Variants in SERPINH1 observed in about 807,000 individuals in gnomAD.
SERPINH1 encodes the protein serpin H1.
In SERPINH1, 22 loss-of-function variants were observed where a neutral mutation model predicts 32.3. The observed-to-expected ratio is 0.68, with a 90% CI of 0.49 to 0.97. SERPINH1 has a LOEUF of 0.97. SERPINH1 is among the 50% of genes least tolerant of loss of function. SERPINH1 has a pLI of 0.00. For missense variants in SERPINH1, 543 were observed against 576.4 expected (o/e 0.94, Z 0.59); for synonymous variants, 251 against 245.9 (o/e 1.02, Z -0.19).
Position 75,568,798 on chromosome 11 carries a change from T to C in SERPINH1, c.690T>C (p.Tyr230=), listed in dbSNP as rs951634715. The C allele has an allele frequency of 1.9e-5, 30 of 1,613,822 alleles. No homozygotes were observed. The highest frequency in any genetic ancestry group is 2.7e-5 in the African/African-American group (2 of 74,888). The change falls in exon 3 of 5, where the codon TAT becomes TAC. Residue 230 remains tyrosine, a synonymous_variant. Transcript: ENST00000358171. ...DNRGFMVTRS[Y]TVGVMMMHRT... is the part of the protein sequence containing the mutation. ...GTGGCTTCATGGTGACTCGGTCCTA[T>C]ACCGTGGGTGTCATGATGATGCACC... is the stretch of plus-strand genomic sequence containing the variant.
intron 4 of SERPINH1, among the ~76,000 whole-genome samples, chr11:75,569,721 C>T (rs565057609): frequency 6.6e-6 from 1 of 152,146 alleles, no homozygotes; most frequent in Admixed American, 6.5e-5. Context: ...CCGTGCCCAG[C>T]CTTTATACGT....
chr11:75,569,436 T>A (rs186303252), intron 4 of SERPINH1: 53 of 345,556 alleles, frequency 1.5e-4, no homozygotes, highest in Middle Eastern at 7.9e-4. Flanking sequence ...TATTATTTTT[T>A]TTTTGAGATG....
chr11:75,569,130 T>C lies in SERPINH1; in HGVS notation c.913T>C (p.Ser305Pro), dbSNP rs549207386. The change falls in exon 4 of 5, where the codon TCC becomes CCC. Residue 305 changes from serine (S) to proline (P), a missense_variant. Physicochemically the swap from Ser to Pro is moderately conservative, Grantham distance 74. Around this residue, in one of 3 missense-constraint regions of SERPINH1, gnomAD observed 427 missense variants for 446.4 expected, o/e 0.96. Coordinates refer to ENST00000358171, the MANE Select transcript of SERPINH1 (RefSeq NM_001235.5). ...GATGCAGAAGAAGGCTGTTGCCATC[T>C]CCTTGCCCAAGGGTGTGGTGGAGGT... ...GKMQKKAVAI[S>P]LPKGVVEVTH... 1 of 1,613,638 alleles carries C rather than the reference T, an allele frequency of 6.2e-7. No homozygotes were observed. Among genetic ancestry groups the C allele is most frequent in the South Asian group, 1.1e-5 (1 of 90,982 alleles).
chr11:75,565,416 C>T (rs1942055975), intron 1 of SERPINH1, among the ~76,000 whole-genome samples: 1 of 152,186 alleles, frequency 6.6e-6, no homozygotes, highest in African/African-American at 2.4e-5. Flanking sequence ...TGTGCTATGT[C>T]AGGAAGCCTC....
chr11:75,564,295 TA>T (rs1942035852), intron 1 of SERPINH1, among the ~76,000 whole-genome samples: 1 of 152,130 alleles, frequency 6.6e-6, no homozygotes, highest in Non-Finnish European at 1.5e-5. Context: ...CCAAACCAGT[TA>T]TTTGGAGCTT....
At chr11:75,568,910 G>T in intron 3 of SERPINH1, 29 bp from the exon 4 acceptor site, 2 of 1,599,978 alleles carry the variant, frequency 1.3e-6, no homozygotes, top group Non-Finnish European at 1.7e-6. Context: ...CACACAGGGT[G>T]CCCAGTGTCC....
At chr11:75,569,366 T>G (rs1242351225) in intron 4 of SERPINH1, 195 bp downstream of exon 4, 2 of 598,266 alleles carry the variant, frequency 3.3e-6, no homozygotes, top group Non-Finnish European at 6.0e-6. Flanking sequence ...TACCAGCAGC[T>G]AAATATAACG....
chr11:75,568,898 T>C (rs775971073), intron 3 of SERPINH1, 41 bp from the exon 4 acceptor site: 1 of 1,603,616 alleles, frequency 6.2e-7, no homozygotes, highest in Non-Finnish European at 8.5e-7. Context: ...GACCCACCCC[T>C]GCACACAGGG....
intron 1 of SERPINH1, chr11:75,562,561 C>T (rs1441580050): frequency 6.6e-6 from 1 of 152,394 alleles, no homozygotes; most frequent in African/African-American, 2.4e-5. Context: ...GGTTGGGAGT[C>T]CGTGCACTCG....
intron 4 of SERPINH1, 30 bp downstream of exon 4, chr11:75,569,201 A>T (rs762851059): frequency 6.5e-7 from 1 of 1,527,986 alleles, no homozygotes. Context: ...AGGGGCCTGC[A>T]GGCCTTGGAG....
Position 75,571,949 on chromosome 11 carries a change from G to A in SERPINH1, c.1123G>A (p.Glu375Lys), listed in dbSNP as rs577035420. 1 of 1,614,206 alleles carries A rather than the reference G, an allele frequency of 6.2e-7. No individual in the cohort carries two copies. Among genetic ancestry groups the A allele is most frequent in the South Asian group, 1.1e-5 (1 of 91,086 alleles). ...TGACCAGGACATCTACGGGCGCGAGGAGCTGCGCAGCCCCAAGCTGTTCTA... is the reference window on the plus strand; with the variant it reads ...TGACCAGGACATCTACGGGCGCGAGAAGCTGCGCAGCCCCAAGCTGTTCTA... ...PFDQDIYGRE[E>K]LRSPKLFYAD... Residue 375 changes from glutamate to lysine, a missense_variant, in exon 5 of 5, where the codon GAG becomes AAG. Glu to Lys is a moderately conservative substitution (Grantham distance 56). This residue lies in a region of SERPINH1 where 427 missense variants were observed against 446.4 expected (regional missense o/e 0.96). Coordinates refer to ENST00000358171, the MANE Select transcript of SERPINH1 (RefSeq NM_001235.5).
At chr11:75,563,652 C>T (rs573091109) in intron 1 of SERPINH1, 1 of 152,828 alleles carries the variant, frequency 6.5e-6, no homozygotes, top group South Asian at 2.1e-4. Context: ...CTGGTTGTGC[C>T]CTCTGCGCCA....
At chr11:75,565,135 A>G (rs1008785173) in intron 1 of SERPINH1, among the ~76,000 whole-genome samples, 2 of 152,210 alleles carry the variant, frequency 1.3e-5, no homozygotes, top group Non-Finnish European at 2.9e-5. Flanking sequence ...GACTGTCCAA[A>G]TTGGAGGCCC....
chr11:75,567,049 CT>C, intron 2 of SERPINH1, 78 bp downstream of exon 2: 1 of 1,459,336 alleles, frequency 6.9e-7, no homozygotes, highest in Non-Finnish European at 9.2e-7. Flanking sequence ...ATTCCGTGCG[CT>C]CCATTCTTCA....
intron 4 of SERPINH1, among the ~76,000 whole-genome samples, chr11:75,570,546 G>T (rs865898102): frequency 6.6e-6 from 1 of 152,196 alleles, no homozygotes; most frequent in East Asian, 1.9e-4. Context: ...TGAGGCGGAT[G>T]ACGTGTGCAA....
Position 75,566,313 on chromosome 11 carries a change from C to G in SERPINH1, c.-34-3C>G, listed in dbSNP as rs768641955. 6.3e-7 allele frequency: 1 copy of G among 1,593,826 alleles called. No individual in the cohort carries two copies. Among genetic ancestry groups the G allele is most frequent in the East Asian group, 2.3e-5 (1 of 44,288 alleles). ...GACCACCCTGTCTGTGCAATCCTCA[C>G]AGGCCCACCGTGGTGCACGCAAACC... On this transcript the variant is annotated splice_region_variant and splice_polypyrimidine_tract_variant and intron_variant, in intron 1 of 4. Coordinates refer to ENST00000358171, the MANE Select transcript of SERPINH1 (RefSeq NM_001235.5).
At chr11:75,569,913 G>A (rs1942168188) in intron 4 of SERPINH1, among the ~76,000 whole-genome samples, 1 of 151,860 alleles carries the variant, frequency 6.6e-6, no homozygotes, top group Admixed American at 6.6e-5. Flanking sequence ...GGTCTGAAGT[G>A]CCCCCAGTTA....
At position 75,566,615 on chromosome 11, in the gene SERPINH1, C is replaced by T. The variant is rs1419722597; in HGVS notation, c.266C>T (p.Thr89Met). 7 of 1,607,360 alleles carry T rather than the reference C, an allele frequency of 4.4e-6. No individual in the cohort carries two copies. The highest frequency in any genetic ancestry group is 5.9e-6 in the Non-Finnish European group (7 of 1,179,012). The stretch of plus-strand genomic sequence containing the variant: ...GTGTCGCTGGGCGGCAAGGCGACCA[C>T]GGCGTCGCAGGCCAAGGCAGTGCTG... ...GLVSLGGKAT[T>M]ASQAKAVLSA... Residue 89 changes from threonine (T) to methionine (M), a missense_variant, in exon 2 of 5, where the codon ACG becomes ATG. Physicochemically the swap from Thr to Met is moderately conservative, Grantham distance 81 (BLOSUM62 -1). This residue lies in a region of SERPINH1 where 7 missense variants were observed against 27.6 expected (regional missense o/e 0.25). Coordinates refer to ENST00000358171, the MANE Select transcript of SERPINH1 (RefSeq NM_001235.5).
rs1941992425 is a variant in SERPINH1 at position 75,562,306 on chromosome 11, C to T, written c.-48C>T. ...GCGAGAGTCACGTCCCGGCGCTAGCCCAGCCCGACCCAGGTGAGGGGCGGG... is the reference window on the plus strand; with the variant it reads ...GCGAGAGTCACGTCCCGGCGCTAGCTCAGCCCGACCCAGGTGAGGGGCGGG... On this transcript the variant is annotated 5_prime_UTR_variant, in exon 1 of 5. Transcript: ENST00000358171. 6.6e-6 allele frequency: 1 copy of T among 152,188 alleles called. No individual in the cohort carries two copies. The highest frequency in any genetic ancestry group is 2.1e-4 in the South Asian group (1 of 4,824). The allele number at this position is 152,188 out of a possible 1,614,324, so 9.4% of individuals were successfully genotyped here. A position where few individuals can be genotyped will look rare whatever the true frequency, so the allele number is the denominator to read the frequency against.
Sources: allele counts gnomAD v4.1 joint callset (sites outside exome capture counted in the v4.1 genomes callset), GRCh38; gene constraint gnomAD v4.1.1; regional missense constraint gnomAD v4.1.1; transcripts MANE v1.5; gene names NCBI Gene and HGNC (gene_info 2026-07-23, HGNC 2026-07-21).